The following EFCAB8 variants were observed in gnomAD, a reference collection of about 807,000 sequenced individuals.
The protein encoded by EFCAB8 is EF-hand calcium binding domain 8, also known as EF-hand calcium-binding domain-containing protein 8.
Under a neutral mutation model 116.3 loss-of-function variants are expected in EFCAB8, and 100 were observed. The ratio of observed to expected loss-of-function variants is 0.86; its 90% CI spans 0.73 to 1.02. The LOEUF (loss-of-function observed/expected upper bound fraction) is 1.02, where lower values mean the gene tolerates loss of function less well. Among genes scored for constraint, EFCAB8 ranks in the 50% least tolerant of loss-of-function variants. The pLI is 0.00. For missense variants in EFCAB8, 1,320 were observed against 1,416.9 expected (o/e 0.93, Z 1.10); for synonymous variants, 558 against 567.9 (o/e 0.98, Z 0.25).
At chr20:32,906,801 C>T in intron 12 of EFCAB8, 42 bp from the exon 13 acceptor site, 1 of 999,928 alleles carries the variant, frequency 1.0e-6, no homozygotes, top group East Asian at 2.6e-5. Context: ...TGAAGGTCCC[C>T]AGTGGAGGCC....
intron 7 of EFCAB8, among the ~76,000 whole-genome samples, 160 bp from the exon 8 acceptor site, chr20:32,892,053 G>A (rs766685427): frequency 6.6e-6 from 1 of 152,132 alleles, no homozygotes; most frequent in Non-Finnish European, 1.5e-5. Flanking sequence ...GGTTCCCGGT[G>A]GGTGGGTTTA....
At chr20:32,911,439 C>T (rs751073066) in intron 15 of EFCAB8, 41 bp from the exon 16 acceptor site, 45 of 1,437,166 alleles carry the variant, frequency 3.1e-5, no homozygotes, top group Non-Finnish European at 4.0e-5. Context: ...GAGTGGAGGC[C>T]CCGGCCTCTC....
intron 11 of EFCAB8, among the ~76,000 whole-genome samples, chr20:32,900,821 G>A (rs1331475698): frequency 6.6e-6 from 1 of 152,124 alleles, no homozygotes; most frequent in Non-Finnish European, 1.5e-5. Context: ...ACCCACCTTG[G>A]CCTCCCAAAG....
chr20:32,863,886 C>A (rs1468820825), intron 2 of EFCAB8, 52 bp downstream of exon 2: 3 of 1,541,986 alleles, frequency 1.9e-6, no homozygotes, highest in Non-Finnish European at 2.6e-6. Flanking sequence ...TCCAGAGTCA[C>A]CCAAAACCTC....
intron 23 of EFCAB8, among the ~76,000 whole-genome samples, chr20:32,952,720 C>T (rs1042580715): frequency 1.3e-5 from 2 of 152,158 alleles, no homozygotes; most frequent in East Asian, 3.8e-4. Flanking sequence ...GTATCACTTG[C>T]CCGTTCATTT....
chr20:32,867,798 G>A, intron 3 of EFCAB8, 51 bp downstream of exon 3: 1 of 1,530,532 alleles, frequency 6.5e-7, no homozygotes, highest in East Asian at 2.5e-5. Flanking sequence ...CAACAGGGCA[G>A]GACCGAGTAC....
chr20:32,953,739 T>C (rs1442611533), intron 23 of EFCAB8, among the ~76,000 whole-genome samples: 3 of 152,224 alleles, frequency 2.0e-5, no homozygotes, highest in Non-Finnish European at 4.4e-5. Context: ...TTATCAGGGA[T>C]ATGATTTTCA....
chr20:32,900,273 G>A (rs550389525), intron 11 of EFCAB8, among the ~76,000 whole-genome samples: 11 of 152,300 alleles, frequency 7.2e-5, no homozygotes, highest in Non-Finnish European at 1.5e-4. Flanking sequence ...TGGGAAACCC[G>A]AAGCTTAGGG....
In EFCAB8 at chr20:32,860,176, C is replaced by T. The variant is rs1485453273; in HGVS notation, c.-11+1170C>T. 2.6e-5 allele frequency among the ~76,000 whole-genome samples: 4 copies of T among 152,206 alleles called. No homozygotes were observed. In the East Asian group the frequency reaches 5.8e-4, roughly 22 times the overall value. On this transcript the variant is annotated intron_variant, in intron 1 of 26. Coordinates refer to ENST00000400522, the MANE Select transcript of EFCAB8 (RefSeq NM_001143967.2). ...TACGAAAGTTAGCTGGGCATGGTGG[C>T]GTGCACCTATAATCCCAGCTACTGA...
intron 1 of EFCAB8, among the ~76,000 whole-genome samples, chr20:32,859,836 A>G (rs73262372): frequency 6.6e-6 from 1 of 152,370 alleles, no homozygotes; most frequent in African/African-American, 2.4e-5. Flanking sequence ...ATGCTATCTA[A>G]TAATATAGAG....
At chr20:32,883,808 A>G (rs1259258191) in intron 5 of EFCAB8, among the ~76,000 whole-genome samples, 1 of 152,040 alleles carries the variant, frequency 6.6e-6, no homozygotes, top group African/African-American at 2.4e-5. Context: ...CTCCTGCCTC[A>G]GCCTCCTGAG....
chr20:32,892,091 A>G, intron 7 of EFCAB8, 122 bp from the exon 8 acceptor site: 2 of 845,700 alleles, frequency 2.4e-6, no homozygotes, highest in Non-Finnish European at 1.9e-6. Flanking sequence ...TGTGGTTGCC[A>G]TGGGGGAAAA....
chr20:32,946,771 G>A (rs1252358003), intron 23 of EFCAB8, among the ~76,000 whole-genome samples: 1 of 152,170 alleles, frequency 6.6e-6, no homozygotes, highest in Admixed American at 6.5e-5. Context: ...CCCAAAAAGT[G>A]ACCTCATGTC....
rs774102805 is a variant in EFCAB8, at chr20:32,930,567, A to G, written c.2582A>G (p.Asp861Gly). The G allele has an allele frequency of 1.3e-6, 2 of 1,552,364 alleles. No individual in the cohort carries two copies. Among genetic ancestry groups the G allele is most frequent in the Non-Finnish European group, 8.7e-7 (1 of 1,147,142 alleles). The change falls in exon 21 of 27, where the codon GAT becomes GGT. Residue 861 changes from aspartate to glycine, a missense_variant. Coordinates refer to ENST00000400522, the MANE Select transcript of EFCAB8 (RefSeq NM_001143967.2). The stretch of plus-strand genomic sequence containing the variant: ...GTTGTCGTGGGTGCCATGGCCACTG[A>G]TAAAAATGACTGGATCCTCATCACG... ...GDVVVGAMAT[D>G]KNDWILITGD...
intron 11 of EFCAB8, among the ~76,000 whole-genome samples, chr20:32,901,032 T>C (rs926554701): frequency 1.4e-4 from 22 of 152,208 alleles, no homozygotes; most frequent in African/African-American, 5.1e-4. Context: ...AACAGTGCAC[T>C]GTGTACATTT....
At chr20:32,928,935 T>C (rs57088373) in intron 20 of EFCAB8, among the ~76,000 whole-genome samples, 9,981 of 151,814 alleles carry the variant, frequency 0.066, 459 homozygotes, top group African/African-American at 0.13. Context: ...CTGCATCAAT[T>C]AAGATGATCG....
chr20:32,873,781 C>T (rs1984805181), intron 3 of EFCAB8, among the ~76,000 whole-genome samples: 1 of 146,940 alleles, frequency 6.8e-6, no homozygotes, highest in African/African-American at 2.5e-5. Context: ...CACTGTACTC[C>T]AGCCTGGGCA....
At chr20:32,918,258 T>TG (rs1987280732) in intron 18 of EFCAB8, 104 bp from the exon 19 acceptor site, 2 of 1,186,352 alleles carry the variant, frequency 1.7e-6, no homozygotes, top group Admixed American at 2.2e-5. Flanking sequence ...AAGCAAGCCC[T>TG]GGGGGGCTGG....
intron 22 of EFCAB8, 48 bp downstream of exon 22, chr20:32,931,384 A>G (rs1987904747): frequency 1.3e-6 from 2 of 1,485,674 alleles, no homozygotes; most frequent in Non-Finnish European, 1.8e-6. Context: ...TTTGAGCCCC[A>G]CAAATGAGCT....
Sources: gnomAD v4.1 joint callset for allele counts (sites outside exome capture counted in the v4.1 genomes callset) on GRCh38, gnomAD v4.1.1 for gene constraint, MANE v1.5 for transcripts, NCBI Gene and HGNC (gene_info 2026-07-23, HGNC 2026-07-21) for gene names.